The following PADI2 variants were observed in gnomAD, a reference collection of about 807,000 sequenced individuals.
The protein encoded by PADI2 is protein-arginine deiminase type-2.
A neutral mutation model predicts 81.1 loss-of-function variants in PADI2; 70 were observed. The ratio of observed to expected loss-of-function variants is 0.86; its 90% confidence interval spans 0.71 to 1.05. PADI2 has a LOEUF of 1.05. Among genes scored for constraint, PADI2 ranks in the 50% least tolerant of loss-of-function variants. The pLI, the probability that PADI2 is intolerant of heterozygous loss-of-function variation, is 0.00. For synonymous variants in PADI2, 338 were observed against 358.0 expected, an observed-to-expected ratio of 0.94 and a Z score of 0.63; for missense variants, 853 against 889.9, an observed-to-expected ratio of 0.96 and a Z score of 0.53.
chr1:17,079,278 C>G lies in PADI2; in HGVS notation c.1296G>C (p.Gly432=), dbSNP rs373517351. ...KTYPLGRILI[G]SSFPLSGGRR... is the part of the protein sequence containing the mutation. Reference sequence around the variant, plus strand: ...GCTTCTCTTACAGAGGAAAGCTGCTCCCGATGAGGATGCGGCCAAGCGGGT... The same window carrying G: ...GCTTCTCTTACAGAGGAAAGCTGCTGCCGATGAGGATGCGGCCAAGCGGGT... The change falls in exon 11 of 16, where the codon GGG becomes GGC. Residue 432 remains glycine (G), a synonymous_variant. Coordinates refer to ENST00000375486, the MANE Select transcript of PADI2 (RefSeq NM_007365.3). 6.2e-7 allele frequency: 1 copy of G among 1,613,806 alleles called. No individual in the cohort carries two copies. The highest frequency in any genetic ancestry group is 1.3e-5 in the African/African-American group (1 of 75,040).
chr1:17,073,798 T>G (rs936603301), intron 13 of PADI2, among the ~76,000 whole-genome samples: 32 of 152,326 alleles, frequency 2.1e-4, no homozygotes, highest in African/African-American at 7.7e-4. Flanking sequence ...GGAATTGGCA[T>G]GGTGTCTCTA....
rs377695635 is a variant in PADI2 at position 17,104,867 on chromosome 1, C to T, written c.276+11G>A. ...CCGGGCCCGCAGAGGCTGGACTTCCCGCCGTGGTACCTTGTCACTGCTGGC... is the reference window on the plus strand; with the variant it reads ...CCGGGCCCGCAGAGGCTGGACTTCCTGCCGTGGTACCTTGTCACTGCTGGC... On this transcript the variant is annotated intron_variant, in intron 2 of 15. Transcript: ENST00000375486. The T allele has an allele frequency of 5.3e-5, 83 of 1,554,530 alleles. No individual in the cohort carries two copies. The African/African-American group carries it at 6.6e-4, about 12-fold the overall frequency.
Position 17,114,557 on chromosome 1 carries a change from G to A in PADI2, c.92+4723C>T, listed in dbSNP as rs74881636. The stretch of plus-strand genomic sequence containing the variant: ...TAAATACGTAAATTATTACATGTCC[G>A]TGAGATGAGCATGCAAAGTGTTGAG... On this transcript the variant is annotated intron_variant, in intron 1 of 15. Coordinates refer to ENST00000375486, the MANE Select transcript of PADI2 (RefSeq NM_007365.3). 8.8e-3 allele frequency among the ~76,000 whole-genome samples: 1,339 copies of A among 152,226 alleles called. 10 individuals carry two copies. Among genetic ancestry groups the A allele is most frequent in the Middle Eastern group, 0.037 (11 of 294 alleles).
chr1:17,109,374 C>T (rs1301991097), intron 1 of PADI2, among the ~76,000 whole-genome samples: 2 of 101,166 alleles, frequency 2.0e-5, no homozygotes, highest in Non-Finnish European at 3.6e-5. Flanking sequence ...GGTGACAGAG[C>T]GAGACTCTGT....
In PADI2 at chr1:17,069,171, G is replaced by T; in HGVS notation, c.1871C>A (p.Pro624His). 6.2e-7 allele frequency: 1 copy of T among 1,614,200 alleles called. No individual in the cohort carries two copies. Among genetic ancestry groups the T allele is most frequent in the Non-Finnish European group, 8.5e-7 (1 of 1,180,016 alleles). ...LEMHVRGLLE[P>H]LGLECTFIDD... ...GATGAAGGTGCATTCGAGGCCCAGG[G>T]GCTCCAGGAGGCCACGCACGTGCAT... The change falls in exon 16 of 16, where the codon CCC becomes CAC. Residue 624 changes from proline to histidine, a missense_variant. Transcript: ENST00000375486.
chr1:17,104,589 A>G (rs1199016075), intron 2 of PADI2, among the ~76,000 whole-genome samples: 2 of 151,348 alleles, frequency 1.3e-5, no homozygotes, highest in Non-Finnish European at 2.9e-5. Context: ...CACCCGCCCC[A>G]TGCCTGGCTA....
intron 6 of PADI2, among the ~76,000 whole-genome samples, chr1:17,090,554 C>T (rs991226916): frequency 6.7e-6 from 1 of 148,656 alleles, no homozygotes; most frequent in East Asian, 2.0e-4. Flanking sequence ...AGACTGTGCT[C>T]CTGGTCAATT....
At chr1:17,106,873 T>C (rs1313092872) in intron 1 of PADI2, among the ~76,000 whole-genome samples, 1 of 152,034 alleles carries the variant, frequency 6.6e-6, no homozygotes, top group African/African-American at 2.4e-5. Context: ...GAGGACGCAG[T>C]GACAAGGTGG....
Position 17,082,618 on chromosome 1 carries a change from T to TGG in PADI2, c.1083_1084dup (p.His362ProfsTer17). 6.2e-7 allele frequency: 1 copy of TGG among 1,611,242 alleles called. No individual in the cohort carries two copies. The highest frequency in any genetic ancestry group is 8.5e-7 in the Non-Finnish European group (1 of 1,178,948). On this transcript the variant is annotated frameshift_variant, in exon 10 of 16. Transcript: ENST00000375486. LOFTEE classifies it high-confidence loss of function. ...GTCCAGCACCACGGGGAAGCCTTTATGGGGGGCCTCGATGTAGCCAAACTC... is the reference window on the plus strand; with the variant it reads ...GTCCAGCACCACGGGGAAGCCTTTATGGGGGGGGCCTCGATGTAGCCAAACTC...
At chr1:17,095,572 C>CA (rs1930890940) in intron 4 of PADI2, among the ~76,000 whole-genome samples, 1 of 152,150 alleles carries the variant, frequency 6.6e-6, no homozygotes, top group South Asian at 2.1e-4. Context: ...CTGTCTCCCC[C>CA]ACCTCCCTAG....
At chr1:17,087,346 AT>A in intron 6 of PADI2, among the ~76,000 whole-genome samples, 1 of 152,216 alleles carries the variant, frequency 6.6e-6, no homozygotes, top group South Asian at 2.1e-4. Context: ...GCCTGAAACA[AT>A]TGTGTCCCTT....
rs745836749 is a variant in PADI2 at position 17,083,768 on chromosome 1, C to T, written c.1008G>A (p.Lys336=). Residue 336 remains lysine, a synonymous_variant, in exon 9 of 16, where the codon AAG becomes AAA. Coordinates refer to ENST00000375486, the MANE Select transcript of PADI2 (RefSeq NM_007365.3). The part of the protein sequence containing the change: ...NLVEKTNCEL[K]VCFQYLNRGD... Reference sequence around the variant, plus strand: ...CTCGGTTTAGGTACTGGAAGCAGACCTTCAGCTCACAGTTGGTTTTCTCCA... The same window carrying T: ...CTCGGTTTAGGTACTGGAAGCAGACTTTCAGCTCACAGTTGGTTTTCTCCA... The T allele has an allele frequency of 6.8e-6, 11 of 1,613,838 alleles. No homozygotes were observed. Among genetic ancestry groups the T allele is most frequent in the Non-Finnish European group, 7.6e-6 (9 of 1,179,714 alleles).
In PADI2 at chr1:17,110,491, CA is replaced by C. The variant is rs141074518; in HGVS notation, c.93-5431del. Among the ~76,000 whole-genome samples the C allele has an allele frequency of 2.6e-5, 4 of 151,860 alleles. No individual in the cohort carries two copies. The East Asian group carries it at 5.8e-4, about 22-fold the overall frequency. On this transcript the variant is annotated intron_variant, in intron 1 of 15. Transcript: ENST00000375486. ...GTGATTTAAAAAACAAACGAACAAA[CA>C]AAAAAAACCCAGAAATCAGGTCATG...
rs543537942 is a variant in PADI2 at position 17,103,775 on chromosome 1, A to G, written c.277-716T>C. On this transcript the variant is annotated intron_variant, in intron 2 of 15. Transcript: ENST00000375486. ...TTTAAATTTGGTATGGAAAAAGAATATAAACTACCAGCCTGGGCAATATAG... is the reference window on the plus strand; with the variant it reads ...TTTAAATTTGGTATGGAAAAAGAATGTAAACTACCAGCCTGGGCAATATAG... Among the ~76,000 whole-genome samples the G allele has an allele frequency of 9.4e-4, 142 of 151,216 alleles. 1 individual carries two copies. Among genetic ancestry groups the G allele is most frequent in the Non-Finnish European group, 1.9e-3 (130 of 67,896 alleles).
At chr1:17,111,699 C>A (rs148946507) in intron 1 of PADI2, among the ~76,000 whole-genome samples, 1 of 152,166 alleles carries the variant, frequency 6.6e-6, no homozygotes, top group African/African-American at 2.4e-5. Context: ...TCTGATCTAT[C>A]GACTGTGGGG....
In PADI2 at chr1:17,070,085, C is replaced by T. The variant is rs1557755628; in HGVS notation, c.1764+3G>A. On this transcript the variant is annotated splice_donor_region_variant and intron_variant, in intron 15 of 15. Coordinates refer to ENST00000375486, the MANE Select transcript of PADI2 (RefSeq NM_007365.3). ...GCGAGGGTTGGGGTCTGCAGGGCCT[C>T]ACCATGTTTGGGAAGAAGGCTCTGG... 7 of 1,613,682 alleles carry T rather than the reference C, an allele frequency of 4.3e-6. No individual in the cohort carries two copies. The highest frequency in any genetic ancestry group is 2.2e-5 in the East Asian group (1 of 44,878).
chr1:17,077,178 A>G (rs756286734), intron 11 of PADI2, among the ~76,000 whole-genome samples: 1 of 152,218 alleles, frequency 6.6e-6, no homozygotes, highest in African/African-American at 2.4e-5. Context: ...CTTCAAAAAA[A>G]CAACAGCTAA....
rs1302559590 is a variant in PADI2, at chr1:17,069,009, AAGCGAAGG to A, written c.*27_*34del. 5.4e-6 allele frequency: 8 copies of A among 1,483,990 alleles called. No homozygotes were observed. Among genetic ancestry groups the A allele is most frequent in the Non-Finnish European group, 7.5e-6 (8 of 1,061,662 alleles). The allele number at this position is 1,483,990 out of a possible 1,614,324, so 91.9% of individuals were successfully genotyped here. ...CGTGTGAGGGAGGGTCTGGAGAACT[AAGCGAAGG>A]AGGCAAACGCCAGGGCCCCTGGCAG... is the stretch of plus-strand genomic sequence containing the variant. On this transcript the variant is annotated 3_prime_UTR_variant, in exon 16 of 16. Coordinates refer to ENST00000375486, the MANE Select transcript of PADI2 (RefSeq NM_007365.3).
chr1:17,115,974 G>A lies in PADI2; in HGVS notation c.92+3306C>T, dbSNP rs572944451. Reference sequence around the variant, plus strand: ...GGGGGGCCAGTTTTGCTGGGAGAGCGTGGGTGGCCCAGAGCACCCCTGCCC... The same window carrying A: ...GGGGGGCCAGTTTTGCTGGGAGAGCATGGGTGGCCCAGAGCACCCCTGCCC... On this transcript the variant is annotated intron_variant, in intron 1 of 15. Coordinates refer to ENST00000375486, the MANE Select transcript of PADI2 (RefSeq NM_007365.3). The surrounding 1 kb of genome is among the most constrained non-coding windows in gnomAD (Gnocchi z 4.1). Among the ~76,000 whole-genome samples the A allele has an allele frequency of 6.6e-6, 1 of 152,250 alleles. No individual in the cohort carries two copies. The highest frequency in any genetic ancestry group is 1.5e-5 in the Non-Finnish European group (1 of 68,046).
Sources: gnomAD v4.1 joint callset for allele counts (sites outside exome capture counted in the v4.1 genomes callset) on GRCh38, gnomAD v4.1.1 for gene constraint, Gnocchi (gnomAD v3.1) non-coding constraint, MANE v1.5 for transcripts, NCBI Gene and HGNC (gene_info 2026-07-23, HGNC 2026-07-21) for gene names.